Variants in PARD3B observed in about 807,000 individuals in gnomAD.
PARD3B encodes par-3 family cell polarity regulator beta.
PARD3B carries 103 observed loss-of-function variants against 130.2 expected under a neutral mutation model. The ratio of observed to expected loss-of-function variants is 0.79; its 90% CI spans 0.67 to 0.93. The LOEUF is 0.93. PARD3B is among the 40% of genes least tolerant of loss of function. The pLI, the probability that PARD3B is intolerant of heterozygous loss-of-function variation, is 0.00. For missense variants in PARD3B, 1,609 were observed against 1,499.2 expected (o/e 1.07, Z -1.21); for synonymous variants, 583 against 553.2 (o/e 1.05, Z -0.76).
At chr2:204,774,972 A>G (rs1313590999) in intron 2 of PARD3B, among the ~76,000 whole-genome samples, 4 of 152,116 alleles carry the variant, frequency 2.6e-5, no homozygotes, top group African/African-American at 9.7e-5. Context: ...TTTGGGAAGA[A>G]ATATTTCACT....
intron 2 of PARD3B, among the ~76,000 whole-genome samples, chr2:204,690,441 A>G (rs983679409): frequency 7.9e-5 from 12 of 152,130 alleles, no homozygotes; most frequent in Admixed American, 2.6e-4. Context: ...GATGGACCCA[A>G]TGTAGTCACA....
At chr2:204,990,291 G>GT (rs757609170) in intron 3 of PARD3B, among the ~76,000 whole-genome samples, 1 of 150,798 alleles carries the variant, frequency 6.6e-6, no homozygotes, top group Non-Finnish European at 1.5e-5. Context: ...ATAATTGTAC[G>GT]TATTTTTGGA....
intron 18 of PARD3B, among the ~76,000 whole-genome samples, chr2:205,355,630 G>A (rs1313101265): frequency 1.3e-5 from 2 of 152,192 alleles, no homozygotes; most frequent in Non-Finnish European, 2.9e-5. Flanking sequence ...AGAGCCTGCT[G>A]TGGGTGAAGA....
intron 1 of PARD3B, among the ~76,000 whole-genome samples, chr2:204,654,019 G>A (rs1330755544): frequency 6.6e-6 from 1 of 151,052 alleles, no homozygotes; most frequent in Non-Finnish European, 1.5e-5. Context: ...AAAAACTTCT[G>A]CAATAAAAAT....
intron 3 of PARD3B, among the ~76,000 whole-genome samples, chr2:205,037,101 G>A (rs894567532): frequency 8.8e-5 from 11 of 125,176 alleles, no homozygotes; most frequent in East Asian, 4.3e-4. Flanking sequence ...CATATATAGC[G>A]GACTGTATAT....
intron 21 of PARD3B, among the ~76,000 whole-genome samples, chr2:205,549,103 G>A (rs2052505590): frequency 6.6e-6 from 1 of 152,076 alleles, no homozygotes; most frequent in African/African-American, 2.4e-5. Context: ...CTACAATTGG[G>A]AACACTGACC....
intron 2 of PARD3B, among the ~76,000 whole-genome samples, chr2:204,746,055 T>C (rs1377123267): frequency 1.3e-5 from 2 of 151,368 alleles, no homozygotes; most frequent in South Asian, 4.2e-4. Context: ...TATGTATACA[T>C]GTGCCATGTT....
chr2:205,211,159 A>G (rs1412126149), intron 15 of PARD3B, among the ~76,000 whole-genome samples: 1 of 152,016 alleles, frequency 6.6e-6, no homozygotes, highest in Non-Finnish European at 1.5e-5. Flanking sequence ...TTTCATCAGA[A>G]CCCCAGAAGC....
chr2:204,652,260 AC>A (rs2125170106), intron 1 of PARD3B, among the ~76,000 whole-genome samples: 1 of 152,262 alleles, frequency 6.6e-6, no homozygotes, highest in East Asian at 1.9e-4. Context: ...AACATAAGTT[AC>A]AGTTTCAGGC....
intron 15 of PARD3B, among the ~76,000 whole-genome samples, chr2:205,235,561 C>A (rs1356389191): frequency 1.3e-5 from 2 of 152,034 alleles, no homozygotes; most frequent in Non-Finnish European, 1.5e-5. Flanking sequence ...GTACTATACA[C>A]CACAATGGAT....
intron 2 of PARD3B, among the ~76,000 whole-genome samples, chr2:204,773,240 A>G (rs775835778): frequency 5.3e-5 from 8 of 151,926 alleles, no homozygotes; most frequent in Non-Finnish European, 1.0e-4. Flanking sequence ...ATTCAATGAA[A>G]TACAGTTTAG....
intron 4 of PARD3B, chr2:205,048,237 C>G (rs1402914904): frequency 6.6e-6 from 1 of 152,200 alleles, no homozygotes; most frequent in East Asian, 1.9e-4. Context: ...CTCCCAATAT[C>G]ACGAAAATGT....
At chr2:204,648,250 TA>T (rs2035341225) in intron 1 of PARD3B, among the ~76,000 whole-genome samples, 2 of 151,450 alleles carry the variant, frequency 1.3e-5, no homozygotes, top group Non-Finnish European at 3.0e-5. Context: ...ATCTATATTT[TA>T]AAAATAAAAC....
chr2:205,365,287 C>T (rs2105892190), intron 18 of PARD3B, among the ~76,000 whole-genome samples: 1 of 151,728 alleles, frequency 6.6e-6, no homozygotes, highest in East Asian at 1.9e-4. Flanking sequence ...CAGAGAATTG[C>T]TTGAACCCAG....
intron 10 of PARD3B, among the ~76,000 whole-genome samples, chr2:205,141,226 T>C (rs1376361632): frequency 1.3e-5 from 2 of 152,186 alleles, no homozygotes; most frequent in African/African-American, 4.8e-5. Flanking sequence ...ATATTAAGAG[T>C]ATGTTACTTT....
intron 1 of PARD3B, among the ~76,000 whole-genome samples, chr2:204,551,584 C>CCA (rs570659215): frequency 5.6e-4 from 86 of 152,256 alleles, no homozygotes; most frequent in African/African-American, 1.9e-3. Flanking sequence ...ACACACATCC[C>CCA]CACACACCCT....
At chr2:205,450,466 C>CTTTTTTTTT (rs869229400) in intron 20 of PARD3B, among the ~76,000 whole-genome samples, 6 of 78,376 alleles carry the variant, frequency 7.7e-5, no homozygotes, top group African/African-American at 2.2e-4. Context: ...AGTGCAGATT[C>CTTTTTTTTT]TTTTTTTTTT....
Position 205,470,458 on chromosome 2 carries a change from G to A in PARD3B, c.3045-29438G>A, listed in dbSNP as rs2048786233. 6.6e-6 allele frequency among the ~76,000 whole-genome samples: 1 copy of A among 152,100 alleles called. No homozygotes were observed. The highest frequency in any genetic ancestry group is 6.6e-5 in the Admixed American group (1 of 15,250). On this transcript the variant is annotated intron_variant, in intron 20 of 22. Transcript: ENST00000406610. The surrounding 1 kb of genome is among the most constrained non-coding windows in gnomAD (Gnocchi z 4.8). The stretch of plus-strand genomic sequence containing the variant: ...ATGACTCCCTCTGCTCACCCCTGCA[G>A]GAGTATTTAAGCTTAACCCCAGATT...
chr2:204,879,034 G>A (rs1214767640), intron 2 of PARD3B, among the ~76,000 whole-genome samples: 1 of 152,090 alleles, frequency 6.6e-6, no homozygotes, highest in Non-Finnish European at 1.5e-5. Flanking sequence ...GTGGAAAGAT[G>A]TATGCTATAA....
Sources: allele counts gnomAD v4.1 joint callset (sites outside exome capture counted in the v4.1 genomes callset), GRCh38; gene constraint gnomAD v4.1.1; non-coding constraint Gnocchi (gnomAD v3.1); transcripts MANE v1.5; gene names NCBI Gene and HGNC (gene_info 2026-07-23, HGNC 2026-07-21).